Variants in ITM2B observed in about 807,000 individuals in gnomAD.
ITM2B encodes the protein ABri/ADan amyloid peptide.
In ITM2B, 11 loss-of-function variants were observed where a neutral mutation model predicts 27.8. The observed-to-expected ratio is 0.40, with a 90% confidence interval of 0.25 to 0.66. The LOEUF is 0.66. Among genes scored for constraint, ITM2B ranks in the 30% least tolerant of loss-of-function variants. The probability of loss-of-function intolerance (pLI) is 0.43; values close to 1 mark genes in which losing one functional copy is unlikely to be tolerated. For missense variants in ITM2B, 296 were observed against 328.9 expected (o/e 0.90, Z 0.77); for synonymous variants, 114 against 114.3 (o/e 1.00, Z 0.02).
chr13:48,243,173 T>A (rs1951709016), intron 1 of ITM2B, among the ~76,000 whole-genome samples: 4 of 152,240 alleles, frequency 2.6e-5, no homozygotes. Context: ...TCCAAGATTG[T>A]CTCCTTCATG....
intron 1 of ITM2B, among the ~76,000 whole-genome samples, chr13:48,253,231 T>C (rs1324109728): frequency 6.6e-6 from 1 of 152,252 alleles, no homozygotes; most frequent in African/African-American, 2.4e-5. Flanking sequence ...AATTTTGTCC[T>C]ATTTTTTGAA....
intron 1 of ITM2B, among the ~76,000 whole-genome samples, chr13:48,248,930 T>C (rs1049538071): frequency 9.9e-5 from 15 of 152,228 alleles, no homozygotes; most frequent in Non-Finnish European, 2.2e-4. Context: ...ACACTTTTTC[T>C]AGCACTTGGT....
chr13:48,242,183 G>A (rs1281277350), intron 1 of ITM2B, among the ~76,000 whole-genome samples: 2 of 152,094 alleles, frequency 1.3e-5, no homozygotes, highest in Non-Finnish European at 2.9e-5. Context: ...ATAAACATTA[G>A]TTACATTTGA....
chr13:48,234,887 G>A (rs1278906361), intron 1 of ITM2B, among the ~76,000 whole-genome samples: 2 of 152,192 alleles, frequency 1.3e-5, no homozygotes, highest in African/African-American at 4.8e-5. Flanking sequence ...ATGCACAGAT[G>A]AAAATTGCAG....
chr13:48,233,207 G>C lies in ITM2B; in HGVS notation c.-154G>C, dbSNP rs571519655. 63 of 417,830 alleles carry C rather than the reference G, an allele frequency of 1.5e-4. No homozygotes were observed. The highest frequency in any genetic ancestry group is 1.3e-3 in the African/African-American group (58 of 45,620). 25.9% of individuals were successfully genotyped at this position (417,830 alleles called of 1,614,324 possible). ...GGGAGGCTGCGAGATCCCTACCGCA[G>C]TAGCCGCCTCTGCCGCCGCGGAGCT... On this transcript the variant is annotated 5_prime_UTR_variant, in exon 1 of 6. Coordinates refer to ENST00000647800, the MANE Select transcript of ITM2B (RefSeq NM_021999.5).
At chr13:48,249,304 G>A (rs538280137) in intron 1 of ITM2B, among the ~76,000 whole-genome samples, 7 of 152,094 alleles carry the variant, frequency 4.6e-5, no homozygotes, top group Non-Finnish European at 1.0e-4. Context: ...ATTCAGTCCC[G>A]CTGGTGTGTG....
In ITM2B at chr13:48,233,324, C is replaced by A; in HGVS notation, c.-37C>A. The A allele has an allele frequency of 7.2e-7, 1 of 1,384,910 alleles. No individual in the cohort carries two copies. The highest frequency in any genetic ancestry group is 9.9e-7 in the Non-Finnish European group (1 of 1,014,920). 85.8% of individuals were successfully genotyped at this position (1,384,910 alleles called of 1,614,324 possible). On this transcript the variant is annotated 5_prime_UTR_variant, in exon 1 of 6. Coordinates refer to ENST00000647800, the MANE Select transcript of ITM2B (RefSeq NM_021999.5). ...GGGAGCCCGCAGCCCGCGCCCCGAG[C>A]CCGCCGCCGCCCTTCGAGGGCGCCC...
chr13:48,260,095 AGT>A (rs2137996954), intron 5 of ITM2B, among the ~76,000 whole-genome samples: 1 of 152,088 alleles, frequency 6.6e-6, no homozygotes, highest in East Asian at 1.9e-4. Flanking sequence ...GAGAAGATGC[AGT>A]GTTTGGTTTT....
chr13:48,254,481 T>C (rs1951774119), intron 2 of ITM2B, among the ~76,000 whole-genome samples: 1 of 152,224 alleles, frequency 6.6e-6, no homozygotes, highest in Admixed American at 6.5e-5. Flanking sequence ...GAGTGTTTAA[T>C]AGTAATCCCA....
chr13:48,253,435 C>G (rs549577261), intron 1 of ITM2B, among the ~76,000 whole-genome samples: 63 of 152,168 alleles, frequency 4.1e-4, no homozygotes, highest in Admixed American at 8.5e-4. Flanking sequence ...CAAGGCTCAT[C>G]ATCATATTAT....
At chr13:48,252,646 C>G (rs997265695) in intron 1 of ITM2B, among the ~76,000 whole-genome samples, 1 of 152,142 alleles carries the variant, frequency 6.6e-6, no homozygotes, top group South Asian at 2.1e-4. Flanking sequence ...TTCCAATGAC[C>G]GATCCTGTTT....
rs1951869695 is a variant in ITM2B at position 48,269,121 on chromosome 13, A to G, written c.*7897A>G. On this transcript the variant is annotated 3_prime_UTR_variant, in exon 6 of 6. Transcript: ENST00000647800. Reference sequence around the variant, plus strand: ...TTGATTTTCCTCCCATGGTTTCCTCATCTCAGCTCCTTTTTTTTTCCAGTT... The same window carrying G: ...TTGATTTTCCTCCCATGGTTTCCTCGTCTCAGCTCCTTTTTTTTTCCAGTT... The G allele has an allele frequency of 6.6e-6, 1 of 152,090 alleles. No homozygotes were observed. The highest frequency in any genetic ancestry group is 1.5e-5 in the Non-Finnish European group (1 of 68,004). 9.4% of individuals were successfully genotyped at this position (152,090 alleles called of 1,614,324 possible).
At chr13:48,235,930 A>G (rs919129605) in intron 1 of ITM2B, among the ~76,000 whole-genome samples, 4 of 152,220 alleles carry the variant, frequency 2.6e-5, no homozygotes, top group Non-Finnish European at 5.9e-5. Context: ...CTTATGCCAC[A>G]AGAATTCTGA....
At chr13:48,252,778 G>A (rs538424179) in intron 1 of ITM2B, among the ~76,000 whole-genome samples, 1 of 152,324 alleles carries the variant, frequency 6.6e-6, no homozygotes, top group East Asian at 1.9e-4. Context: ...ACAGAGTCAT[G>A]TACTTCAAAG....
Position 48,258,936 on chromosome 13 carries a change from A to T in ITM2B, c.704A>T (p.Glu235Val). The change falls in exon 5 of 6, where the codon GAA becomes GTA. Residue 235 changes from glutamate (E) to valine (V), a missense_variant. Transcript: ENST00000647800. The stretch of plus-strand genomic sequence containing the variant: ...GAAACTTACAAACTGCAACGCAGAG[A>T]AACTATTAAAGGTAATACTTTTTAA... ...DKETYKLQRR[E>V]TIKGIQKREA... 6.2e-7 allele frequency: 1 copy of T among 1,612,850 alleles called. No homozygotes were observed. Among genetic ancestry groups the T allele is most frequent in the Non-Finnish European group, 8.5e-7 (1 of 1,179,022 alleles).
chr13:48,258,069 G>C (rs1951800049), intron 3 of ITM2B, 57 bp from the exon 4 acceptor site: 2 of 826,468 alleles, frequency 2.4e-6, no homozygotes, highest in Non-Finnish European at 4.3e-6. Context: ...TAAAAATCCA[G>C]TTGCTGCCTG....
chr13:48,247,352 G>A (rs1886795), intron 1 of ITM2B, among the ~76,000 whole-genome samples: 53,711 of 151,688 alleles, frequency 0.35, 10,777 homozygotes, highest in African/African-American at 0.56. Context: ...CTTTTTTTAT[G>A]TATATTTTTT....
intron 1 of ITM2B, among the ~76,000 whole-genome samples, chr13:48,239,773 G>C (rs1256129804): frequency 6.6e-6 from 1 of 152,184 alleles, no homozygotes; most frequent in East Asian, 1.9e-4. Context: ...TGAAGGCATG[G>C]GCCACTATTT....
chr13:48,251,648 A>G (rs1186952785), intron 1 of ITM2B, among the ~76,000 whole-genome samples: 3 of 152,108 alleles, frequency 2.0e-5, no homozygotes, highest in African/African-American at 7.2e-5. Flanking sequence ...CTGTTTGGCT[A>G]TTCATTTATG....
Sources: allele counts gnomAD v4.1 joint callset (sites outside exome capture counted in the v4.1 genomes callset), GRCh38; gene constraint gnomAD v4.1.1; transcripts MANE v1.5; gene names NCBI Gene and HGNC (gene_info 2026-07-23, HGNC 2026-07-21).